ARHGAP15: variants seen among roughly 807,000 people sequenced by gnomAD.
ARHGAP15 encodes the protein rho GTPase-activating protein 15.
ARHGAP15 carries 51 observed loss-of-function variants against 63.7 expected under a neutral mutation model. The ratio of observed to expected loss-of-function variants is 0.80; its 90% CI spans 0.64 to 1.01. The LOEUF is 1.01. ARHGAP15 is among the 50% of genes least tolerant of loss of function. The pLI is 0.00. For synonymous variants in ARHGAP15, 191 were observed against 193.8 expected (o/e 0.99, Z 0.12); for missense variants, 560 against 564.6 (o/e 0.99, Z 0.08).
chr2:143,710,277 T>A (rs140152714), intron 13 of ARHGAP15, among the ~76,000 whole-genome samples: 1 of 152,238 alleles, frequency 6.6e-6, no homozygotes, highest in East Asian at 1.9e-4. Context: ...TTTAAAGAGC[T>A]AATGTACTTC....
chr2:143,414,792 G>C (rs1345252006), intron 6 of ARHGAP15, among the ~76,000 whole-genome samples: 1 of 152,142 alleles, frequency 6.6e-6, no homozygotes, highest in Admixed American at 6.5e-5. Context: ...AGTTAGCCGG[G>C]CGTGGTGGCG....
At chr2:143,613,011 T>G (rs1698316414) in intron 11 of ARHGAP15, among the ~76,000 whole-genome samples, 1 of 152,214 alleles carries the variant, frequency 6.6e-6, no homozygotes. Context: ...GCCTATCTCC[T>G]TTTGAGATGT....
intron 13 of ARHGAP15, among the ~76,000 whole-genome samples, chr2:143,734,181 G>A (rs759212603): frequency 3.9e-5 from 6 of 152,092 alleles, no homozygotes; most frequent in Non-Finnish European, 8.8e-5. Context: ...ATAGCCAGGG[G>A]CAGCAGCAAA....
intron 6 of ARHGAP15, among the ~76,000 whole-genome samples, chr2:143,413,913 TGGAA>T (rs2105029654): frequency 7.0e-6 from 1 of 142,418 alleles, no homozygotes; most frequent in South Asian, 2.3e-4. Flanking sequence ...GTGCCCTAGA[TGGAA>T]GGTAGGTAGT....
intron 13 of ARHGAP15, among the ~76,000 whole-genome samples, chr2:143,764,979 G>A (rs377184350): frequency 6.6e-6 from 1 of 152,066 alleles, no homozygotes; most frequent in Non-Finnish European, 1.5e-5. Flanking sequence ...TCTGAGCCCT[G>A]TTCTCTGCTA....
chr2:143,730,878 C>G (rs1046134922), intron 13 of ARHGAP15, among the ~76,000 whole-genome samples: 26 of 127,350 alleles, frequency 2.0e-4, no homozygotes, highest in African/African-American at 7.7e-4. Flanking sequence ...CAGTCAACAC[C>G]TAGAGCACTC....
intron 11 of ARHGAP15, among the ~76,000 whole-genome samples, chr2:143,620,633 G>C (rs1698613326): frequency 6.6e-6 from 1 of 152,114 alleles, no homozygotes; most frequent in Non-Finnish European, 1.5e-5. Context: ...GGGCTTACTG[G>C]CTCTTTATCC....
chr2:143,151,278 A>T (rs914187444), intron 1 of ARHGAP15, among the ~76,000 whole-genome samples: 5 of 152,002 alleles, frequency 3.3e-5, no homozygotes, highest in African/African-American at 1.2e-4. Context: ...AAGGCTAAAA[A>T]ATAAGACCAC....
At chr2:143,467,890 T>G (rs140716587) in intron 8 of ARHGAP15, among the ~76,000 whole-genome samples, 1 of 152,302 alleles carries the variant, frequency 6.6e-6, no homozygotes, top group African/African-American at 2.4e-5. Context: ...CATTGTTTCC[T>G]TTTTTATATT....
chr2:143,379,313 C>G (rs1686952048), intron 6 of ARHGAP15, among the ~76,000 whole-genome samples: 1 of 151,862 alleles, frequency 6.6e-6, no homozygotes, highest in Non-Finnish European at 1.5e-5. Context: ...ATGACCCACA[C>G]TGATCATTTA....
intron 8 of ARHGAP15, among the ~76,000 whole-genome samples, chr2:143,471,207 T>A (rs1691548308): frequency 6.8e-6 from 1 of 147,454 alleles, no homozygotes; most frequent in Non-Finnish European, 1.5e-5. Context: ...CATATATGTG[T>A]GTATATATAC....
intron 8 of ARHGAP15, among the ~76,000 whole-genome samples, chr2:143,447,425 C>T (rs1164766195): frequency 6.6e-6 from 1 of 152,034 alleles, no homozygotes; most frequent in Non-Finnish European, 1.5e-5. Context: ...AAACTGAAAA[C>T]CACTGAAAGT....
At chr2:143,752,021 T>C (rs1686395398) in intron 13 of ARHGAP15, among the ~76,000 whole-genome samples, 2 of 152,218 alleles carry the variant, frequency 1.3e-5, no homozygotes, top group South Asian at 4.1e-4. Context: ...AATAGCATCC[T>C]TCCTGACTGC....
chr2:143,443,933 G>A (rs1240648896), intron 8 of ARHGAP15, among the ~76,000 whole-genome samples: 2 of 152,114 alleles, frequency 1.3e-5, no homozygotes, highest in Non-Finnish European at 2.9e-5. Flanking sequence ...CATTTGATAA[G>A]AGGACTTCAT....
At chr2:143,348,930 A>G (rs1007618957) in intron 6 of ARHGAP15, among the ~76,000 whole-genome samples, 16 of 152,166 alleles carry the variant, frequency 1.1e-4, no homozygotes, top group African/African-American at 3.1e-4. Context: ...TTCTCTATGA[A>G]TCGCCTCCTG....
intron 6 of ARHGAP15, among the ~76,000 whole-genome samples, chr2:143,260,423 G>A (rs758044878): frequency 3.9e-5 from 6 of 152,092 alleles, no homozygotes; most frequent in Non-Finnish European, 8.8e-5. Flanking sequence ...AGTCTTTGAA[G>A]ATTATAGGAG....
At chr2:143,195,204 A>G (rs1691843462) in intron 2 of ARHGAP15, among the ~76,000 whole-genome samples, 1 of 152,120 alleles carries the variant, frequency 6.6e-6, no homozygotes, top group South Asian at 2.1e-4. Context: ...AGGCTTAGGG[A>G]AGAGCCCCCC....
chr2:143,704,172 T>C lies in ARHGAP15; in HGVS notation c.1244+648T>C, dbSNP rs563197996. On this transcript the variant is annotated intron_variant, in intron 13 of 13. Transcript: ENST00000295095. ...CACACTAGCATCAGATCACATAGGT[T>C]CTTGTGGTCCACAGTGAGAGATTTG... is the stretch of plus-strand genomic sequence containing the variant. Among the ~76,000 whole-genome samples, 6 of 152,282 alleles carry C rather than the reference T, an allele frequency of 3.9e-5. No homozygotes were observed. The South Asian group carries it at 1.2e-3, about 32-fold the overall frequency.
chr2:143,728,937 G>A (rs1203573013), intron 13 of ARHGAP15, among the ~76,000 whole-genome samples: 4 of 152,190 alleles, frequency 2.6e-5, no homozygotes, highest in Non-Finnish European at 4.4e-5. Flanking sequence ...AATCCCAGCA[G>A]TCTACTCAGC....
Sources: allele counts gnomAD v4.1 joint callset (sites outside exome capture counted in the v4.1 genomes callset), GRCh38; gene constraint gnomAD v4.1.1; transcripts MANE v1.5; gene names NCBI Gene and HGNC (gene_info 2026-07-23, HGNC 2026-07-21).